The following SDCBP variants were observed in gnomAD, a reference collection of about 807,000 sequenced individuals.
SDCBP encodes the protein syntenin-1.
In SDCBP, 22 loss-of-function variants were observed where a neutral mutation model predicts 30.5. The ratio of observed to expected loss-of-function variants is 0.72; its 90% CI spans 0.52 to 1.03. The LOEUF (loss-of-function observed/expected upper bound fraction) is 1.03. SDCBP is among the 50% of genes least tolerant of loss of function. The pLI is 0.00. For synonymous variants in SDCBP, 103 were observed against 118.7 expected, an observed-to-expected ratio of 0.87 and a Z score of 0.86; for missense variants, 304 against 369.9, an observed-to-expected ratio of 0.82 and a Z score of 1.46.
intron 4 of SDCBP, among the ~76,000 whole-genome samples, chr8:58,573,127 C>G (rs1805124797): frequency 6.6e-6 from 1 of 151,994 alleles, no homozygotes; most frequent in Admixed American, 6.6e-5. Context: ...AATCTTTTAA[C>G]ATTCTTTTTG....
Position 58,582,012 on chromosome 8 carries a change from C to CT in SDCBP, c.*276dup, listed in dbSNP as rs997317174. The stretch of plus-strand genomic sequence containing the variant: ...TAGTTTCTCTACTGGAAACCTGATG[C>CT]TTTTATAAGCCATTGTGATTAGGAT... On this transcript the variant is annotated 3_prime_UTR_variant, in exon 9 of 9. Coordinates refer to ENST00000260130, the MANE Select transcript of SDCBP (RefSeq NM_005625.4). The CT allele has an allele frequency of 2.3e-6, 1 of 426,122 alleles. No homozygotes were observed. The highest frequency in any genetic ancestry group is 2.0e-5 in the African/African-American group (1 of 49,176). 26.4% of individuals were successfully genotyped at this position (426,122 alleles called of 1,614,324 possible).
Position 58,572,239 on chromosome 8 carries a change from A to G in SDCBP, c.165A>G (p.Gln55=). 6.2e-7 allele frequency: 1 copy of G among 1,611,826 alleles called. No homozygotes were observed. The highest frequency in any genetic ancestry group is 1.3e-5 in the African/African-American group (1 of 74,986). ...CCAGACTGTATCCAGAGCTCTCTCA[A>G]TACATGGGGCTGAGTTTAAATGAAG... ...LYPRLYPELS[Q]YMGLSLNEEE... The change falls in exon 4 of 9, where the codon CAA becomes CAG. Residue 55 remains glutamine (Q), a synonymous_variant. Coordinates refer to ENST00000260130, the MANE Select transcript of SDCBP (RefSeq NM_005625.4).
Position 58,575,879 on chromosome 8 carries a change from CATTGTAT to C in SDCBP, c.241-18_241-12del, listed in dbSNP as rs1805284197. ...AGGAGAGTGTTTCTAGATATTGACA[CATTGTAT>C]ATGGTTTTGTCAGCAGTTGGTAGCA... On this transcript the variant is annotated splice_polypyrimidine_tract_variant and intron_variant, in intron 4 of 8. Transcript: ENST00000260130. The C allele has an allele frequency of 6.3e-7, 1 of 1,579,450 alleles. No homozygotes were observed. The highest frequency in any genetic ancestry group is 1.3e-5 in the African/African-American group (1 of 74,130).
intron 2 of SDCBP, among the ~76,000 whole-genome samples, chr8:58,566,161 G>A (rs774510093): frequency 6.6e-6 from 1 of 152,026 alleles, no homozygotes; most frequent in Non-Finnish European, 1.5e-5. Flanking sequence ...TCTTCATGTG[G>A]TTTTTATTTC....
chr8:58,571,022 G>GCT, intron 3 of SDCBP, 57 bp downstream of exon 3: 1 of 1,329,354 alleles, frequency 7.5e-7, no homozygotes, highest in South Asian at 1.3e-5. Context: ...ATCTTCTTTT[G>GCT]CTCATATAAG....
intron 3 of SDCBP, among the ~76,000 whole-genome samples, chr8:58,571,220 C>T (rs769035877): frequency 1.1e-4 from 17 of 152,150 alleles, no homozygotes; most frequent in Admixed American, 3.9e-4. Flanking sequence ...AAATCCCTAA[C>T]GTGGCTGATT....
chr8:58,575,431 T>G (rs576643056), intron 4 of SDCBP, among the ~76,000 whole-genome samples: 1 of 152,324 alleles, frequency 6.6e-6, no homozygotes, highest in East Asian at 1.9e-4. Flanking sequence ...TTGACTGTCT[T>G]ATGTGTGCCA....
chr8:58,558,157 G>A (rs1459257076), intron 1 of SDCBP, among the ~76,000 whole-genome samples: 1 of 152,206 alleles, frequency 6.6e-6, no homozygotes, highest in Admixed American at 6.5e-5. Flanking sequence ...ACACTGTTAG[G>A]TTCAAAAGTA....
In SDCBP at chr8:58,579,769, A is replaced by G; in HGVS notation, c.725A>G (p.Asn242Ser). ...ACGGAACATAACATCTGTGAAATCA[A>G]TGGACAGAATGTCATTGGATTGAAG... Reference protein sequence around the residue: ...LLTEHNICEINGQNVIGLKDS... With the variant: ...LLTEHNICEISGQNVIGLKDS... Residue 242 changes from asparagine (N) to serine (S), a missense_variant, in exon 7 of 9, where the codon AAT (asparagine) becomes AGT (serine). Asn to Ser is a conservative substitution (Grantham distance 46). Transcript: ENST00000260130. 7 of 1,610,794 alleles carry G rather than the reference A, an allele frequency of 4.3e-6. No homozygotes were observed. The highest frequency in any genetic ancestry group is 5.9e-6 in the Non-Finnish European group (7 of 1,178,636).
intron 2 of SDCBP, among the ~76,000 whole-genome samples, chr8:58,565,923 C>G (rs1804686167): frequency 6.6e-6 from 1 of 151,874 alleles, no homozygotes; most frequent in African/African-American, 2.4e-5. Context: ...TTATTGGGTC[C>G]CTGTCTTCAA....
rs947602204 is a variant in SDCBP at position 58,572,800 on chromosome 8, C to CTTTTTTTTT, written c.240+502_240+510dup. Among the ~76,000 whole-genome samples the CTTTTTTTTT allele has an allele frequency of 1.7e-4, 14 of 83,154 alleles. 1 individual carries two copies. The highest frequency in any genetic ancestry group is 8.7e-4 in the East Asian group (2 of 2,290). 54.6% of individuals were successfully genotyped at this position (83,154 alleles called of 152,430 possible). A position where few individuals can be genotyped will look rare whatever the true frequency, so the allele number is the denominator to read the frequency against. The stretch of plus-strand genomic sequence containing the variant: ...CTATCATATCTTTGTTGCTCATAAT[C>CTTTTTTTTT]TTTTTTTTTTTTTTTTTTTTTTTTG... On this transcript the variant is annotated intron_variant, in intron 4 of 8. Transcript: ENST00000260130.
rs780210085 is a variant in SDCBP at position 58,580,584 on chromosome 8, T to A, written c.818T>A (p.Phe273Tyr). The A allele has an allele frequency of 6.3e-7, 1 of 1,579,364 alleles. No homozygotes were observed. The highest frequency in any genetic ancestry group is 2.2e-5 in the East Asian group (1 of 44,584). Residue 273 changes from phenylalanine to tyrosine, a missense_variant, in exon 8 of 9, where the codon TTT becomes TAT. Phe to Tyr is a conservative substitution (Grantham distance 22). Coordinates refer to ENST00000260130, the MANE Select transcript of SDCBP (RefSeq NM_005625.4). ...GTTACTATTACAATCATGCCTGCTTTTATCTTTGAACATATTATTAAGCGG... is the reference window on the plus strand; with the variant it reads ...GTTACTATTACAATCATGCCTGCTTATATCTTTGAACATATTATTAAGCGG... The part of the protein sequence containing the change: ...TVVTITIMPA[F>Y]IFEHIIKRMA...
intron 3 of SDCBP, 67 bp from the exon 4 acceptor site, chr8:58,572,138 A>C: frequency 2.2e-6 from 2 of 917,966 alleles, no homozygotes. Context: ...GCAGAAGCCC[A>C]TAATGAGAGA....
intron 2 of SDCBP, among the ~76,000 whole-genome samples, chr8:58,567,547 G>T (rs1464107477): frequency 1.3e-5 from 2 of 152,110 alleles, no homozygotes; most frequent in African/African-American, 2.4e-5. Context: ...TCACATTAGG[G>T]TTCACTGTTG....
chr8:58,556,122 T>C (rs1804086087), intron 1 of SDCBP, among the ~76,000 whole-genome samples: 1 of 152,198 alleles, frequency 6.6e-6, no homozygotes, highest in South Asian at 2.1e-4. Context: ...CGTCCTAAAT[T>C]TTTATTATCC....
chr8:58,577,749 G>C (rs1003228688), intron 5 of SDCBP, among the ~76,000 whole-genome samples: 2 of 152,084 alleles, frequency 1.3e-5, no homozygotes, highest in African/African-American at 4.8e-5. Context: ...CAAGTTGAAG[G>C]GGGGGATTGT....
intron 6 of SDCBP, among the ~76,000 whole-genome samples, chr8:58,578,941 C>A (rs951469680): frequency 6.6e-6 from 1 of 152,108 alleles, no homozygotes; most frequent in Non-Finnish European, 1.5e-5. Flanking sequence ...GGAAGAAATG[C>A]CTCTTCTGAA....
chr8:58,556,850 G>GTATTATATATAACATATATAATACATATA (rs1172350288), intron 1 of SDCBP, among the ~76,000 whole-genome samples: 1 of 132,912 alleles, frequency 7.5e-6, no homozygotes, highest in Non-Finnish European at 1.6e-5. Flanking sequence ...TAAAATGTAT[G>GTATTATATATAACATATATAATACATATA]TATTATATAT....
rs2129608583 is a variant in SDCBP, at chr8:58,582,615, C to T, written c.*875C>T. The T allele has an allele frequency of 6.5e-6, 1 of 152,684 alleles. No individual in the cohort carries two copies. Among genetic ancestry groups the T allele is most frequent in the South Asian group, 2.1e-4 (1 of 4,820 alleles). 9.5% of individuals were successfully genotyped at this position (152,684 alleles called of 1,614,324 possible). A position where few individuals can be genotyped will look rare whatever the true frequency, so the allele number is the denominator to read the frequency against. On this transcript the variant is annotated 3_prime_UTR_variant, in exon 9 of 9. Transcript: ENST00000260130. ...TACACTAAACAGGATAAACTTTTGA[C>T]TCCCCTTTTGTTCATTTGTGGATTA...
Sources: gnomAD v4.1 joint callset for allele counts (sites outside exome capture counted in the v4.1 genomes callset) on GRCh38, gnomAD v4.1.1 for gene constraint, MANE v1.5 for transcripts, NCBI Gene and HGNC (gene_info 2026-07-23, HGNC 2026-07-21) for gene names.